MAEA: variants seen among roughly 807,000 people sequenced by gnomAD.
The protein encoded by MAEA is E3 ubiquitin-protein transferase MAEA.
Under a neutral mutation model 46.2 loss-of-function variants are expected in MAEA, and 22 were observed. The observed-to-expected ratio is 0.48, with a 90% CI of 0.34 to 0.68. The LOEUF (loss-of-function observed/expected upper bound fraction) is 0.68, where lower values mean the gene tolerates loss of function less well. MAEA is among the 30% of genes least tolerant of loss of function. The pLI is 0.01. For synonymous variants in MAEA, 246 were observed against 222.6 expected, an observed-to-expected ratio of 1.11 and a Z score of -0.94; for missense variants, 393 against 558.1, an observed-to-expected ratio of 0.70 and a Z score of 2.98.
chr4:1,333,230 A>G (rs772872648), intron 6 of MAEA, among the ~76,000 whole-genome samples: 7 of 151,574 alleles, frequency 4.6e-5, no homozygotes, highest in Non-Finnish European at 1.0e-4. Context: ...TAGTCCAGCT[A>G]CCCAGGAGGC....
At chr4:1,308,170 T>C (rs1736015040) in intron 1 of MAEA, among the ~76,000 whole-genome samples, 1 of 151,952 alleles carries the variant, frequency 6.6e-6, no homozygotes, top group Non-Finnish European at 1.5e-5. Context: ...CTGTACAGCA[T>C]GTCACTGCAC....
intron 1 of MAEA, among the ~76,000 whole-genome samples, chr4:1,301,918 C>G (rs1400857794): frequency 6.6e-6 from 1 of 152,154 alleles, no homozygotes; most frequent in African/African-American, 2.4e-5. Context: ...CTGATGAATT[C>G]TGTTAAACAT....
At chr4:1,337,966 G>A in intron 7 of MAEA, 2 of 174,396 alleles carry the variant, frequency 1.1e-5, no homozygotes, top group South Asian at 2.2e-4. Flanking sequence ...TTTCGCGATT[G>A]CTGCTGGTAC....
chr4:1,328,650 G>C, intron 5 of MAEA: 1 of 1,276,672 alleles, frequency 7.8e-7, no homozygotes, highest in Non-Finnish European at 1.0e-6. Context: ...GGGTGGCCGA[G>C]TGTTCCACAG....
Position 1,297,705 on chromosome 4 carries a change from A to G in MAEA, c.69+7723A>G, listed in dbSNP as rs1448853494. ...CGTCCTTTGTCGTCGTTCACGTCAC[A>G]CCCACGAGTGCCTGGCACAGGAGTC... On this transcript the variant is annotated intron_variant, in intron 1 of 8. Coordinates refer to ENST00000303400, the MANE Select transcript of MAEA (RefSeq NM_001017405.3). Among the ~76,000 whole-genome samples, 3 of 152,128 alleles carry G rather than the reference A, an allele frequency of 2.0e-5. No homozygotes were observed. In the East Asian group the frequency reaches 5.8e-4, roughly 29 times the overall value.
intron 6 of MAEA, among the ~76,000 whole-genome samples, chr4:1,336,206 G>A (rs535367393): frequency 1.8e-4 from 28 of 151,358 alleles, no homozygotes; most frequent in African/African-American, 6.8e-4. Context: ...CACTCGTCCC[G>A]CAGAGTGTTG....
Position 1,289,938 on chromosome 4 carries a change from C to T in MAEA, c.25C>T (p.Gln9Ter), listed in dbSNP as rs748228866. 1.2e-6 allele frequency: 2 copies of T among 1,602,118 alleles called. No individual in the cohort carries two copies. The highest frequency in any genetic ancestry group is 1.7e-6 in the Non-Finnish European group (2 of 1,174,116). ...GATGGCGGTGCAGGAGTCGGCGGCT[C>T]AGTTGTCCATGACCCTGAAGGTCCA... The part of the protein sequence containing the change: MAVQESAA[Q>*]LSMTLKVQEY... Residue 9 changes from glutamine to a stop codon, truncating the protein, a stop_gained, in exon 1 of 9, where the codon CAG (glutamine) becomes TAG (stop). Transcript: ENST00000303400. LOFTEE classifies it high-confidence loss of function.
intron 1 of MAEA, among the ~76,000 whole-genome samples, chr4:1,303,452 G>C (rs55955526): frequency 0.15 from 22,815 of 150,020 alleles, 3,359 homozygotes; most frequent in East Asian, 0.42. Context: ...AGGTCCATCA[G>C]TTGTGAATTC....
chr4:1,297,862 C>T, intron 1 of MAEA: 1 of 395,560 alleles, frequency 2.5e-6, no homozygotes, highest in East Asian at 7.3e-5. Flanking sequence ...TCTCATCTGG[C>T]TGTGGTCAGC....
chr4:1,296,781 G>A (rs928511496), intron 1 of MAEA, among the ~76,000 whole-genome samples: 4 of 152,076 alleles, frequency 2.6e-5, no homozygotes, highest in Admixed American at 1.3e-4. Flanking sequence ...TCCTGAAAGC[G>A]GTCAGTCCAC....
intron 1 of MAEA, among the ~76,000 whole-genome samples, chr4:1,307,526 G>A (rs1462942417): frequency 6.6e-6 from 1 of 152,252 alleles, no homozygotes; most frequent in Non-Finnish European, 1.5e-5. Context: ...GTTCCACTGT[G>A]TATTGTGTTA....
rs79681880 is a variant in MAEA, at chr4:1,329,470, C to T, written c.656+1767C>T. 2,993 of 985,336 alleles carry T rather than the reference C, an allele frequency of 3.0e-3. 9 individuals carry two copies. Among genetic ancestry groups the T allele is most frequent in the Non-Finnish European group, 3.3e-3 (2,714 of 829,932 alleles). 61.0% of individuals were successfully genotyped at this position (985,336 alleles called of 1,614,324 possible). The stretch of plus-strand genomic sequence containing the variant: ...GGGAGCAGGCAGGTCCCAGGAAGTG[C>T]GTGTCCTTCCTCCCGCAAGCAGACA... On this transcript the variant is annotated intron_variant, in intron 5 of 8. Transcript: ENST00000303400.
At chr4:1,290,398 C>T (rs528107775) in intron 1 of MAEA, among the ~76,000 whole-genome samples, 7 of 152,198 alleles carry the variant, frequency 4.6e-5, no homozygotes, top group Non-Finnish European at 1.0e-4. Context: ...CCGGCTGCGC[C>T]GGTCGCTAGT....
chr4:1,298,018 A>C (rs1024387765), intron 1 of MAEA: 1 of 456,038 alleles, frequency 2.2e-6, no homozygotes, highest in African/African-American at 2.0e-5. Flanking sequence ...AGCCGCACCT[A>C]TCTGCTGAGG....
rs1738269056 is a variant in MAEA, at chr4:1,322,586, G to A, written c.579+83G>A. 5 of 1,561,620 alleles carry A rather than the reference G, an allele frequency of 3.2e-6. No homozygotes were observed. The African/African-American group carries it at 6.8e-5, about 21-fold the overall frequency. On this transcript the variant is annotated intron_variant, in intron 4 of 8. Coordinates refer to ENST00000303400, the MANE Select transcript of MAEA (RefSeq NM_001017405.3). ...CCCTGGAGCCAGCACCCCCTTGCCT[G>A]GTGGTTCACAGTAGTTTGGTTTTGG...
rs541368912 is a variant in MAEA, at chr4:1,333,666, C to T, written c.765+801C>T. On this transcript the variant is annotated intron_variant, in intron 6 of 8. Coordinates refer to ENST00000303400, the MANE Select transcript of MAEA (RefSeq NM_001017405.3). ...GAGTGGCTCCACTCTGCACCCGTGC[C>T]CACCCCTGCACCCACCCCATGCCCA... Among the ~76,000 whole-genome samples, 199 of 123,520 alleles carry T rather than the reference C, an allele frequency of 1.6e-3. 4 individuals carry two copies. In the Middle Eastern group the frequency reaches 0.02, roughly 12 times the overall value. The allele number at this position is 123,520 out of a possible 152,430, so 81.0% of individuals were successfully genotyped here. A position where few individuals can be genotyped will look rare whatever the true frequency, so the allele number is the denominator to read the frequency against.
chr4:1,292,504 A>G (rs1265364747), intron 1 of MAEA, among the ~76,000 whole-genome samples: 2 of 152,152 alleles, frequency 1.3e-5, no homozygotes, highest in Middle Eastern at 3.4e-3. Context: ...ATGAGCTTCT[A>G]TTTCCACCAA....
intron 1 of MAEA, among the ~76,000 whole-genome samples, chr4:1,300,482 T>A (rs1167286466): frequency 1.3e-5 from 2 of 152,214 alleles, no homozygotes; most frequent in Admixed American, 6.5e-5. Context: ...ATGTTGTGAT[T>A]ATGAACTGAC....
chr4:1,326,354 A>T (rs1291131267), intron 4 of MAEA, among the ~76,000 whole-genome samples: 1 of 152,216 alleles, frequency 6.6e-6, no homozygotes, highest in Non-Finnish European at 1.5e-5. Flanking sequence ...CCACGCCTAT[A>T]TCCTGTTTCC....
Sources: gnomAD v4.1 joint callset for allele counts (sites outside exome capture counted in the v4.1 genomes callset) on GRCh38, gnomAD v4.1.1 for gene constraint, MANE v1.5 for transcripts, NCBI Gene and HGNC (gene_info 2026-07-23, HGNC 2026-07-21) for gene names.